The following MAP2 variants were observed in gnomAD, a reference collection of about 807,000 sequenced individuals.
MAP2 encodes microtubule-associated protein 2.
Under a neutral mutation model 137.6 loss-of-function variants are expected in MAP2, and 14 were observed. The ratio of observed to expected loss-of-function variants is 0.10; its 90% CI spans 0.07 to 0.16. The LOEUF is 0.16. Ranked by LOEUF, MAP2 falls within the 10% of genes least tolerant of loss-of-function variation. The pLI is 1.00. For synonymous variants in MAP2, 786 were observed against 782.3 expected (o/e 1.00, Z -0.08); for missense variants, 2,088 against 2,191.5 (o/e 0.95, Z 0.94).
intron 2 of MAP2, among the ~76,000 whole-genome samples, chr2:209,514,163 AG>A: frequency 6.6e-6 from 1 of 151,756 alleles, no homozygotes; most frequent in Non-Finnish European, 1.5e-5. Context: ...TCTAATCATT[AG>A]AATCCTGGAT....
intron 3 of MAP2, among the ~76,000 whole-genome samples, chr2:209,623,267 A>G (rs1293644163): frequency 6.6e-6 from 1 of 152,164 alleles, no homozygotes; most frequent in East Asian, 1.9e-4. Flanking sequence ...GCTATGTGCC[A>G]AAAGCACTGT....
intron 2 of MAP2, among the ~76,000 whole-genome samples, chr2:209,513,693 A>G (rs1012652259): frequency 6.6e-6 from 1 of 152,116 alleles, no homozygotes; most frequent in Non-Finnish European, 1.5e-5. Context: ...TCCAGTGGGT[A>G]GTATTTTTGT....
intron 1 of MAP2, among the ~76,000 whole-genome samples, chr2:209,459,517 C>T (rs1283027479): frequency 2.0e-5 from 3 of 152,204 alleles, no homozygotes; most frequent in African/African-American, 7.2e-5. Flanking sequence ...CTAAGTCTGT[C>T]TCAGCAGTGC....
chr2:209,582,422 TGG>T (rs907684490), intron 3 of MAP2, among the ~76,000 whole-genome samples: 1 of 152,146 alleles, frequency 6.6e-6, no homozygotes, highest in Non-Finnish European at 1.5e-5. Flanking sequence ...TTTCATCAGC[TGG>T]GGGAAATATG....
intron 1 of MAP2, among the ~76,000 whole-genome samples, chr2:209,431,664 G>A (rs1485812038): frequency 6.6e-6 from 1 of 152,084 alleles, no homozygotes; most frequent in Non-Finnish European, 1.5e-5. Context: ...AATAATTCAG[G>A]CTCAAACTCA....
chr2:209,695,083 T>TGATTCAAAAGAACATGCC lies in MAP2; in HGVS notation c.2914_2931dup (p.Asp972_Ala977dup). On this transcript the variant is annotated inframe_insertion, in exon 8 of 16. Transcript: ENST00000682079. ...TACTAGAAAAGAGTGAAGAACATGC[T>TGATTCAAAAGAACATGCC]GATTCAAAAGAACATGCCAAGAAAA... is the stretch of plus-strand genomic sequence containing the variant. 1 of 1,614,172 alleles carries TGATTCAAAAGAACATGCC rather than the reference T, an allele frequency of 6.2e-7. No individual in the cohort carries two copies. The highest frequency in any genetic ancestry group is 8.5e-7 in the Non-Finnish European group (1 of 1,180,034).
chr2:209,504,764 G>A (rs1194471560), intron 1 of MAP2, among the ~76,000 whole-genome samples: 1 of 151,650 alleles, frequency 6.6e-6, no homozygotes, highest in Non-Finnish European at 1.5e-5. Context: ...TTTTTTCCTA[G>A]TGAATATTTA....
intron 1 of MAP2, among the ~76,000 whole-genome samples, chr2:209,503,140 C>A (rs2150141366): frequency 6.6e-6 from 1 of 151,894 alleles, no homozygotes; most frequent in Non-Finnish European, 1.5e-5. Context: ...GCTGGGACAA[C>A]AGGTGCACAT....
chr2:209,555,246 T>C (rs2070283378), intron 2 of MAP2, among the ~76,000 whole-genome samples: 1 of 152,206 alleles, frequency 6.6e-6, no homozygotes, highest in Admixed American at 6.5e-5. Flanking sequence ...TATGGAGGTT[T>C]ATTTGGTAGA....
At chr2:209,430,009 A>C (rs1693807104) in intron 1 of MAP2, among the ~76,000 whole-genome samples, 2 of 151,920 alleles carry the variant, frequency 1.3e-5, no homozygotes, top group South Asian at 4.1e-4. Flanking sequence ...CTCTTCCCTT[A>C]AGAGTCTACC....
In MAP2 at chr2:209,545,813, T is replaced by A. The variant is rs188103846; in HGVS notation, c.-171-34223T>A. ...TTAATAGTACTGAATTAAATTCACA[T>A]ACAACACCAGATGGTATTTAACAAA... is the stretch of plus-strand genomic sequence containing the variant. On this transcript the variant is annotated intron_variant, in intron 2 of 15. Coordinates refer to ENST00000682079, the MANE Select transcript of MAP2 (RefSeq NM_001375505.1). 1.8e-4 allele frequency among the ~76,000 whole-genome samples: 28 copies of A among 152,334 alleles called. No individual in the cohort carries two copies. In the East Asian group the frequency reaches 5.2e-3, roughly 28 times the overall value.
chr2:209,547,142 T>G (rs1342453266), intron 2 of MAP2, among the ~76,000 whole-genome samples: 1 of 152,080 alleles, frequency 6.6e-6, no homozygotes, highest in Admixed American at 6.6e-5. Flanking sequence ...TCCCCTAAAA[T>G]ACTCTTGTTG....
At chr2:209,600,200 CCA>C (rs1219709927) in intron 3 of MAP2, among the ~76,000 whole-genome samples, 1 of 152,102 alleles carries the variant, frequency 6.6e-6, no homozygotes, top group Non-Finnish European at 1.5e-5. Flanking sequence ...CAAAAAAAGC[CCA>C]CACACATCGA....
chr2:209,709,754 A>G (rs2064813377), intron 12 of MAP2, among the ~76,000 whole-genome samples, 160 bp from the exon 13 acceptor site: 1 of 152,178 alleles, frequency 6.6e-6, no homozygotes, highest in Admixed American at 6.5e-5. Flanking sequence ...ACCTGATTTC[A>G]GAAACGAGAC....
intron 1 of MAP2, among the ~76,000 whole-genome samples, chr2:209,466,665 G>T (rs1234084912): frequency 6.6e-6 from 1 of 152,190 alleles, no homozygotes; most frequent in African/African-American, 2.4e-5. Flanking sequence ...AGCTTGGTCT[G>T]AGTGATTCCA....
intron 2 of MAP2, among the ~76,000 whole-genome samples, chr2:209,528,106 T>TGG (rs2064370801): frequency 1.0e-5 from 1 of 100,294 alleles, no homozygotes; most frequent in South Asian, 4.3e-4. Context: ...CTTCCCCCCC[T>TGG]GCCCACCCCA....
intron 5 of MAP2, among the ~76,000 whole-genome samples, chr2:209,669,956 A>G (rs2048081249): frequency 6.6e-6 from 1 of 152,010 alleles, no homozygotes; most frequent in East Asian, 1.9e-4. Context: ...ACATTCCTTT[A>G]GCAATGTGAT....
chr2:209,565,522 A>C (rs1356297227), intron 2 of MAP2, among the ~76,000 whole-genome samples: 1 of 152,170 alleles, frequency 6.6e-6, no homozygotes, highest in East Asian at 1.9e-4. Context: ...TCCCAGACCG[A>C]AAATATCTAT....
intron 1 of MAP2, among the ~76,000 whole-genome samples, chr2:209,494,027 C>A (rs757672581): frequency 7.9e-5 from 12 of 152,108 alleles, no homozygotes; most frequent in Non-Finnish European, 1.6e-4. Context: ...AGACTTGGAA[C>A]CAACCAAAAT....
Sources: gnomAD v4.1 joint callset for allele counts (sites outside exome capture counted in the v4.1 genomes callset) on GRCh38, gnomAD v4.1.1 for gene constraint, MANE v1.5 for transcripts, NCBI Gene and HGNC (gene_info 2026-07-23, HGNC 2026-07-21) for gene names.